Variants in MCM3 observed in about 807,000 individuals in gnomAD.
The protein encoded by MCM3 is DNA replication licensing factor MCM3.
In MCM3, 59 loss-of-function variants were observed where a neutral mutation model predicts 91.3. The observed-to-expected ratio is 0.65, with a 90% confidence interval of 0.52 to 0.80. The LOEUF (loss-of-function observed/expected upper bound fraction) is 0.80. Among genes scored for constraint, MCM3 ranks in the 30% least tolerant of loss-of-function variants. The pLI is 0.00. For synonymous variants in MCM3, 383 were observed against 379.6 expected (o/e 1.01, Z -0.10); for missense variants, 919 against 1,035.4 (o/e 0.89, Z 1.54).
chr6:52,282,336 A>C (rs1766178910), intron 3 of MCM3, among the ~76,000 whole-genome samples, 161 bp from the exon 4 acceptor site: 1 of 152,192 alleles, frequency 6.6e-6, no homozygotes, highest in Admixed American at 6.5e-5. Context: ...ATTTATATAT[A>C]GACCACCACC....
chr6:52,269,736 A>G lies in MCM3; in HGVS notation c.1828-510T>C, dbSNP rs529634867. ...TTCAGTAAACTCAGTCCGGAGAAGG[A>G]GAACTCTGACACATTCCTAACAAAT... On this transcript the variant is annotated intron_variant, in intron 12 of 16. Coordinates refer to ENST00000596288, the MANE Select transcript of MCM3 (RefSeq NM_002388.6). Among the ~76,000 whole-genome samples the G allele has an allele frequency of 1.1e-3, 170 of 152,358 alleles. 3 individuals carry two copies. The highest frequency in any genetic ancestry group is 3.8e-3 in the African/African-American group (156 of 41,584).
chr6:52,268,720 G>C (rs771052214), intron 13 of MCM3, among the ~76,000 whole-genome samples: 8 of 152,198 alleles, frequency 5.3e-5, no homozygotes, highest in Non-Finnish European at 8.8e-5. Context: ...AGGAAAGGTA[G>C]AGTGGGACAA....
chr6:52,269,272 T>C (rs373451879), intron 12 of MCM3, 46 bp from the exon 13 acceptor site: 63 of 1,576,718 alleles, frequency 4.0e-5, no homozygotes, highest in Non-Finnish European at 5.3e-5. Flanking sequence ...CTTTTAGGCA[T>C]GCCCATCAAT....
chr6:52,270,341 A>G (rs531229958), intron 12 of MCM3, among the ~76,000 whole-genome samples: 5 of 151,282 alleles, frequency 3.3e-5, no homozygotes, highest in East Asian at 1.9e-4. Flanking sequence ...AAAAAAAAAA[A>G]AAAAGAAAAA....
intron 4 of MCM3, among the ~76,000 whole-genome samples, chr6:52,280,582 G>A (rs1481073452): frequency 1.3e-5 from 2 of 152,208 alleles, no homozygotes; most frequent in South Asian, 2.1e-4. Context: ...CAAAGCCCAC[G>A]CTCTTAAGCA....
intron 9 of MCM3, among the ~76,000 whole-genome samples, chr6:52,274,549 A>G (rs1416321100): frequency 1.3e-5 from 2 of 152,114 alleles, no homozygotes; most frequent in South Asian, 2.1e-4. Flanking sequence ...TTTGCCAGGC[A>G]TGGTGGTACG....
chr6:52,265,311 G>C (rs1205796780), intron 16 of MCM3: 1 of 433,180 alleles, frequency 2.3e-6, no homozygotes, highest in African/African-American at 2.1e-5. Flanking sequence ...CCAGCCTTTT[G>C]GGAGGCTCAG....
chr6:52,278,298 C>T (rs1295338654), intron 6 of MCM3, among the ~76,000 whole-genome samples: 1 of 152,124 alleles, frequency 6.6e-6, no homozygotes, highest in East Asian at 1.9e-4. Flanking sequence ...AGAACATGTA[C>T]TGTGCTTGAA....
chr6:52,283,896 CTT>C (rs1335444433), intron 1 of MCM3, among the ~76,000 whole-genome samples: 9 of 152,250 alleles, frequency 5.9e-5, no homozygotes, highest in African/African-American at 1.7e-4. Context: ...AAAACAGACT[CTT>C]AATAGTCACA....
In MCM3 at chr6:52,266,160, G is replaced by A. The variant is rs1037612084; in HGVS notation, c.2159-16C>T. ...GGAGTGTGTACTTCAGAGGGTTGAT[G>A]GTTGTAGAGATGGGGAAGATAAGCA... is the stretch of plus-strand genomic sequence containing the variant. On this transcript the variant is annotated splice_polypyrimidine_tract_variant and intron_variant, in intron 15 of 16. Transcript: ENST00000596288. The A allele has an allele frequency of 6.2e-6, 10 of 1,605,730 alleles. No individual in the cohort carries two copies. Among genetic ancestry groups the A allele is most frequent in the African/African-American group, 1.3e-5 (1 of 74,742 alleles).
chr6:52,273,644 G>T, intron 10 of MCM3, 98 bp downstream of exon 10: 1 of 1,289,570 alleles, frequency 7.8e-7, no homozygotes. Flanking sequence ...CATCAACCCG[G>T]ACACTGAAAC....
rs760806382 is a variant in MCM3, at chr6:52,272,293, G to A, written c.1827+8C>T. ...GGACCCCAAGCCTAGGCTCCCCCAGGCACTCACCCTGGCGGTGTCTGAGCT... is the reference window on the plus strand; with the variant it reads ...GGACCCCAAGCCTAGGCTCCCCCAGACACTCACCCTGGCGGTGTCTGAGCT... On this transcript the variant is annotated splice_region_variant and intron_variant, in intron 12 of 16. Coordinates refer to ENST00000596288, the MANE Select transcript of MCM3 (RefSeq NM_002388.6). 1.2e-6 allele frequency: 2 copies of A among 1,613,356 alleles called. No homozygotes were observed.
In MCM3 at chr6:52,282,081, C is replaced by T; in HGVS notation, c.495G>A (p.Leu165=). The stretch of plus-strand genomic sequence containing the variant: ...AGACAGAGCTGGAGGGAAAGGCCAC[C>T]AGGGTGGTGAGATCAGAATAACGTC... The part of the protein sequence containing the change: ...IERRYSDLTT[L]VAFPSSSVYP... The change falls in exon 4 of 17, where the codon CTG becomes CTA. Residue 165 remains leucine, a synonymous_variant. Coordinates refer to ENST00000596288, the MANE Select transcript of MCM3 (RefSeq NM_002388.6). 1.2e-6 allele frequency: 2 copies of T among 1,614,068 alleles called. No individual in the cohort carries two copies. The highest frequency in any genetic ancestry group is 1.7e-6 in the Non-Finnish European group (2 of 1,179,982).
At position 52,273,359 on chromosome 6, in the gene MCM3, G is replaced by A. The variant is rs994986591; in HGVS notation, c.1550-3C>T. On this transcript the variant is annotated splice_polypyrimidine_tract_variant and splice_region_variant and intron_variant, in intron 10 of 16. Coordinates refer to ENST00000596288, the MANE Select transcript of MCM3 (RefSeq NM_002388.6). ...CACAGCACTACCCAAGGGCATAGCT[G>A]GTATACCCAAGTTAGGAGAAAGGAG... 6.2e-7 allele frequency: 1 copy of A among 1,613,946 alleles called. No individual in the cohort carries two copies. The highest frequency in any genetic ancestry group is 8.5e-7 in the Non-Finnish European group (1 of 1,179,950).
chr6:52,265,290 T>G (rs374816123), intron 16 of MCM3: 10 of 441,826 alleles, frequency 2.3e-5, no homozygotes, highest in Non-Finnish European at 4.6e-6. Flanking sequence ...CAGTGGCTTA[T>G]GCCTGTAATC....
At chr6:52,268,794 A>G (rs1764853369) in intron 13 of MCM3, among the ~76,000 whole-genome samples, 1 of 152,132 alleles carries the variant, frequency 6.6e-6, no homozygotes, top group Middle Eastern at 3.2e-3. Flanking sequence ...CAAAGGAAGT[A>G]GGGGTAGACA....
intron 6 of MCM3, 131 bp downstream of exon 6, chr6:52,278,611 G>C (rs1765790368): frequency 3.4e-6 from 2 of 589,420 alleles, no homozygotes; most frequent in African/African-American, 1.9e-5. Context: ...TTTGTTGATT[G>C]AGACAAAAAT....
chr6:52,266,159 TG>T lies in MCM3; in HGVS notation c.2159-16del. The T allele has an allele frequency of 6.2e-7, 1 of 1,608,172 alleles. No homozygotes were observed. The highest frequency in any genetic ancestry group is 8.5e-7 in the Non-Finnish European group (1 of 1,174,574). On this transcript the variant is annotated splice_polypyrimidine_tract_variant and intron_variant, in intron 15 of 16. Coordinates refer to ENST00000596288, the MANE Select transcript of MCM3 (RefSeq NM_002388.6). The stretch of plus-strand genomic sequence containing the variant: ...TGGAGTGTGTACTTCAGAGGGTTGA[TG>T]GTTGTAGAGATGGGGAAGATAAGCA...
rs139347505 is a variant in MCM3, at chr6:52,279,432, G to A, written c.699C>T (p.Asp233=). Residue 233 remains aspartate, a synonymous_variant, in exon 5 of 17, where the codon GAC becomes GAT. Transcript: ENST00000596288. ...GGTAGGTTCCCACCACCTGAACCCG[G>A]TCACCAGGCTTCGCTTTATCCACCA... ...DDLVDKAKPG[D]RVQVVGTYRC... The A allele has an allele frequency of 2.5e-6, 4 of 1,614,014 alleles. No homozygotes were observed. Among genetic ancestry groups the A allele is most frequent in the African/African-American group, 2.7e-5 (2 of 74,920 alleles).
Sources: gnomAD v4.1 joint callset for allele counts (sites outside exome capture counted in the v4.1 genomes callset) on GRCh38, gnomAD v4.1.1 for gene constraint, MANE v1.5 for transcripts, NCBI Gene and HGNC (gene_info 2026-07-23, HGNC 2026-07-21) for gene names.